UBE2T: variants seen among roughly 807,000 people sequenced by gnomAD.
UBE2T encodes ubiquitin conjugating enzyme E2 T, also known as ubiquitin-conjugating enzyme E2 T.
UBE2T carries 15 observed loss-of-function variants against 23.3 expected under a neutral mutation model. The ratio of observed to expected loss-of-function variants is 0.64; its 90% CI spans 0.43 to 0.99. UBE2T has a LOEUF of 0.99. UBE2T is among the 50% of genes least tolerant of loss of function. The probability of loss-of-function intolerance (pLI) is 0.00; values close to 1 mark genes in which losing one functional copy is unlikely to be tolerated. For missense variants in UBE2T, 197 were observed against 234.9 expected (o/e 0.84, Z 1.05); for synonymous variants, 67 against 78.4 (o/e 0.85, Z 0.77).
rs1372425724 is a variant in UBE2T at position 202,335,651 on chromosome 1, C to T, written c.104G>A (p.Arg35Gln). 6.8e-6 allele frequency: 11 copies of T among 1,613,754 alleles called. No homozygotes were observed. The highest frequency in any genetic ancestry group is 9.3e-6 in the Non-Finnish European group (11 of 1,179,962). ...ATACATGATTTGATACCTACGAGCT[C>T]GCAGGTCATCCATTTGGTCTTTATC... Reference protein sequence around the residue: ...WQDKDQMDDLRAQILGGANTP... With the variant: ...WQDKDQMDDLQAQILGGANTP... Residue 35 changes from arginine to glutamine, a missense_variant, in exon 2 of 7, where the codon CGA becomes CAA. Transcript: ENST00000646651. The surrounding 1 kb of genome is among the most constrained non-coding windows in gnomAD (Gnocchi z 4.0).
At position 202,335,515 on chromosome 1, in the gene UBE2T, G is replaced by C; in HGVS notation, c.109+131C>G. On this transcript the variant is annotated intron_variant, in intron 2 of 6. Transcript: ENST00000646651. This position sits in a 1 kb window ranked among gnomAD's most constrained non-coding sequence, Gnocchi z 4.0. ...ACCTTTTATAAATGTAAACAAATTT[G>C]GGTAGAAAGATGGTAGGGCACTCTG... 1.2e-6 allele frequency: 1 copy of C among 803,170 alleles called. No individual in the cohort carries two copies. Among genetic ancestry groups the C allele is most frequent in the Non-Finnish European group, 2.0e-6 (1 of 511,172 alleles). 49.8% of individuals were successfully genotyped at this position (803,170 alleles called of 1,614,324 possible).
At chr1:202,339,600 A>G in intron 1 of UBE2T, among the ~76,000 whole-genome samples, 1 of 3,748 alleles carries the variant, frequency 2.7e-4, no homozygotes, top group African/African-American at 4.7e-4. Flanking sequence ...ACTCTGTCTC[A>G]AAAAAAAAAA....
intron 1 of UBE2T, among the ~76,000 whole-genome samples, chr1:202,341,335 T>C (rs1320392257): frequency 6.6e-6 from 1 of 151,614 alleles, no homozygotes; most frequent in African/African-American, 2.4e-5. Context: ...TCCCAGCACT[T>C]TGGGAGGCCG....
intron 1 of UBE2T, among the ~76,000 whole-genome samples, chr1:202,340,998 A>G (rs1654989138): frequency 6.6e-6 from 1 of 152,198 alleles, no homozygotes; most frequent in Admixed American, 6.5e-5. Context: ...ACACTGCACT[A>G]TTCCTGCTGC....
At chr1:202,333,195 C>T (rs1015936379) in intron 5 of UBE2T, 42 bp downstream of exon 5, 18 of 1,611,384 alleles carry the variant, frequency 1.1e-5, no homozygotes, top group Non-Finnish European at 1.5e-5. Context: ...GCGGTATAGA[C>T]AAGGTAGGAT....
chr1:202,333,199 G>T, intron 5 of UBE2T, 38 bp downstream of exon 5: 1 of 1,611,540 alleles, frequency 6.2e-7, no homozygotes, highest in Non-Finnish European at 8.5e-7. Flanking sequence ...TATAGACAAG[G>T]TAGGATATGT....
In UBE2T at chr1:202,333,311, T is replaced by C. The variant is rs757454009; in HGVS notation, c.310A>G (p.Ile104Val). The change falls in exon 5 of 7, where the codon ATC becomes GTC. Residue 104 changes from isoleucine to valine, a missense_variant. Ile to Val is a conservative substitution (Grantham distance 29). Coordinates refer to ENST00000646651, the MANE Select transcript of UBE2T (RefSeq NM_014176.4). ...PKGAWRPSLNIATVLTSIQLL... is the reference protein window; with the variant it reads ...PKGAWRPSLNVATVLTSIQLL... ...TGAATAGAGGTCAACACAGTTGCGA[T>C]GTTGAGGGATGGTCTCCAAGCACCC... 3 of 1,614,216 alleles carry C rather than the reference T, an allele frequency of 1.9e-6. No individual in the cohort carries two copies. The highest frequency in any genetic ancestry group is 1.3e-5 in the African/African-American group (1 of 75,042).
rs60180834 is a variant in UBE2T at position 202,339,416 on chromosome 1, A to G, written c.-65+2479T>C. On this transcript the variant is annotated intron_variant, in intron 1 of 6. Transcript: ENST00000646651. The stretch of plus-strand genomic sequence containing the variant: ...TTTTCTTTGATCAGTCTTGCTGGGC[A>G]TGTATCAACCAAAAGGAAGTTCAAG... Among the ~76,000 whole-genome samples, 276 of 152,120 alleles carry G rather than the reference A, an allele frequency of 1.8e-3. 2 individuals carry two copies. The highest frequency in any genetic ancestry group is 6.5e-3 in the African/African-American group (269 of 41,494).
In UBE2T at chr1:202,333,077, T is replaced by C. The variant is rs1413658331; in HGVS notation, c.401A>G (p.Tyr134Cys). Reference sequence around the variant, plus strand: ...ATTCTTGAGGAAGGCTGGCTTATTATATTTAAATTCTGAGGACTGAGATGA... The same window carrying C: ...ATTCTTGAGGAAGGCTGGCTTATTACATTTAAATTCTGAGGACTGAGATGA... ...LMADISSEFK[Y>C]NKPAFLKNAR... is the part of the protein sequence containing the mutation. The change falls in exon 6 of 7, where the codon TAT becomes TGT. Residue 134 changes from tyrosine (Y) to cysteine (C), a missense_variant. Physicochemically the swap from Tyr to Cys is radical, Grantham distance 194. Transcript: ENST00000646651. The C allele has an allele frequency of 6.2e-7, 1 of 1,613,838 alleles. No individual in the cohort carries two copies. Among genetic ancestry groups the C allele is most frequent in the Non-Finnish European group, 8.5e-7 (1 of 1,179,916 alleles).
chr1:202,331,900 AG>A lies in UBE2T; in HGVS notation c.528del (p.Ser177GlnfsTer10). ...TGACTGGCCTTCCTTTTCTGTGTTG[AG>A]TTGTGTACTCTGGAGTCACCAGCCT... Reference protein sequence around the residue: ...LPEAGDSRVHNSTQKRKASQL... With the variant: ...LPEAGDSRVHXSTQKRKASQL... On this transcript the variant is annotated frameshift_variant, in exon 7 of 7. Transcript: ENST00000646651. LOFTEE classifies it high-confidence loss of function. 2.5e-6 allele frequency: 4 copies of A among 1,614,062 alleles called. No homozygotes were observed. In the African/African-American group the frequency reaches 5.3e-5, roughly 22 times the overall value.
chr1:202,334,220 G>A (rs1020130975), intron 3 of UBE2T, among the ~76,000 whole-genome samples: 1 of 152,130 alleles, frequency 6.6e-6, no homozygotes, highest in Non-Finnish European at 1.5e-5. Flanking sequence ...CCTTAAAGGA[G>A]ACTTGAATTA....
chr1:202,335,849 A>C lies in UBE2T; in HGVS notation c.-64-31T>G, dbSNP rs1419036500. The stretch of plus-strand genomic sequence containing the variant: ...GGAGAAAAGAGGTGACCATAAAATC[A>C]TCAGCAATAATGACTATGAAGTTTT... On this transcript the variant is annotated intron_variant, in intron 1 of 6. Transcript: ENST00000646651. This position sits in a 1 kb window ranked among gnomAD's most constrained non-coding sequence, Gnocchi z 4.0. 3 of 1,088,348 alleles carry C rather than the reference A, an allele frequency of 2.8e-6. No individual in the cohort carries two copies. 67.4% of individuals were successfully genotyped at this position (1,088,348 alleles called of 1,614,324 possible). A position where few individuals can be genotyped will look rare whatever the true frequency, so the allele number is the denominator to read the frequency against.
Position 202,333,005 on chromosome 1 carries a change from T to C in UBE2T, c.468+5A>G. The C allele has an allele frequency of 1.3e-6, 2 of 1,595,836 alleles. No individual in the cohort carries two copies. Among genetic ancestry groups the C allele is most frequent in the Non-Finnish European group, 1.7e-6 (2 of 1,167,436 alleles). On this transcript the variant is annotated splice_donor_5th_base_variant and intron_variant, in intron 6 of 6. Coordinates refer to ENST00000646651, the MANE Select transcript of UBE2T (RefSeq NM_014176.4). ...ATTAACTGACAATAGTAGCAAACATTATACCTTTTGTTTCTGTCTTGCATG... is the reference window on the plus strand; with the variant it reads ...ATTAACTGACAATAGTAGCAAACATCATACCTTTTGTTTCTGTCTTGCATG...
intron 1 of UBE2T, among the ~76,000 whole-genome samples, chr1:202,338,779 G>A (rs1328143963): frequency 6.6e-6 from 1 of 152,026 alleles, no homozygotes; most frequent in Non-Finnish European, 1.5e-5. Flanking sequence ...AGGCTAAGGT[G>A]GGAGGATGAC....
intron 1 of UBE2T, among the ~76,000 whole-genome samples, chr1:202,338,219 A>AT (rs1017714491): frequency 7.9e-5 from 12 of 151,450 alleles, no homozygotes; most frequent in East Asian, 1.9e-4. Flanking sequence ...AATCTAATTG[A>AT]TTTTTTTTTA....
rs745985717 is a variant in UBE2T at position 202,333,339 on chromosome 1, T to C, written c.286-4A>G. ...TGAGGGATGGTCTCCAAGCACCCTATATACAAACAGATGAACAGTTGCTTT... is the reference window on the plus strand; with the variant it reads ...TGAGGGATGGTCTCCAAGCACCCTACATACAAACAGATGAACAGTTGCTTT... On this transcript the variant is annotated splice_polypyrimidine_tract_variant and splice_region_variant and intron_variant, in intron 4 of 6. Coordinates refer to ENST00000646651, the MANE Select transcript of UBE2T (RefSeq NM_014176.4). The C allele has an allele frequency of 6.2e-7, 1 of 1,614,160 alleles. No homozygotes were observed. Among genetic ancestry groups the C allele is most frequent in the Non-Finnish European group, 8.5e-7 (1 of 1,180,016 alleles).
rs762403530 is a variant in UBE2T at position 202,334,992 on chromosome 1, T to G, written c.176A>C (p.Glu59Ala). 6.2e-7 allele frequency: 1 copy of G among 1,612,370 alleles called. No individual in the cohort carries two copies. The highest frequency in any genetic ancestry group is 1.1e-5 in the South Asian group (1 of 90,686). ...GVFKLEVIIP[E>A]RYPFEPPQIR... is the part of the protein sequence containing the mutation. The stretch of plus-strand genomic sequence containing the variant: ...TGAGAAGCTGATTCATACTAACCTC[T>G]CAGGAATGATAACTTCTAGCTTAAA... Residue 59 changes from glutamate (E) to alanine (A), a missense_variant, in exon 3 of 7, where the codon GAG (glutamate) becomes GCG (alanine). By Grantham distance (107) the Glu-to-Ala change is moderately radical. Coordinates refer to ENST00000646651, the MANE Select transcript of UBE2T (RefSeq NM_014176.4).
rs1268938203 is a variant in UBE2T, at chr1:202,333,098, G to GA, written c.385-6dup. On this transcript the variant is annotated splice_polypyrimidine_tract_variant and splice_region_variant and intron_variant, in intron 5 of 6. Transcript: ENST00000646651. ...ATTATATTTAAATTCTGAGGACTGA[G>GA]ATGAAATCAAAGAAAAGAGTTAATG... 5 of 1,612,938 alleles carry GA rather than the reference G, an allele frequency of 3.1e-6. No homozygotes were observed. In the African/African-American group the frequency reaches 5.3e-5, roughly 17 times the overall value.
intron 1 of UBE2T, among the ~76,000 whole-genome samples, chr1:202,337,344 T>A (rs1172144858): frequency 6.6e-6 from 1 of 152,210 alleles, no homozygotes; most frequent in East Asian, 1.9e-4. Context: ...ACATAATCAA[T>A]CTTAAAATCT....
Sources: gnomAD v4.1 joint callset for allele counts (sites outside exome capture counted in the v4.1 genomes callset) on GRCh38, gnomAD v4.1.1 for gene constraint, Gnocchi (gnomAD v3.1) non-coding constraint, MANE v1.5 for transcripts, NCBI Gene and HGNC (gene_info 2026-07-23, HGNC 2026-07-21) for gene names.